NSG1: variants seen among roughly 807,000 people sequenced by gnomAD.
The protein encoded by NSG1 is neuronal vesicle trafficking-associated protein 1.
Under a neutral mutation model 19.3 loss-of-function variants are expected in NSG1, and 9 were observed. The observed-to-expected ratio is 0.47, with a 90% CI of 0.28 to 0.81. The LOEUF is 0.81. NSG1 is among the 40% of genes least tolerant of loss of function. The probability of loss-of-function intolerance (pLI) is 0.11; values close to 1 mark genes in which losing one functional copy is unlikely to be tolerated. For synonymous variants in NSG1, 104 were observed against 107.0 expected (o/e 0.97, Z 0.17); for missense variants, 236 against 242.4 (o/e 0.97, Z 0.18).
intron 3 of NSG1, among the ~76,000 whole-genome samples, chr4:4,403,022 T>G (rs1361407910): frequency 6.6e-6 from 1 of 152,240 alleles, no homozygotes; most frequent in Non-Finnish European, 1.5e-5. Context: ...GACGTTATTC[T>G]GGGTCGGCTC....
chr4:4,392,199 G>A (rs1405938265), intron 3 of NSG1, among the ~76,000 whole-genome samples: 1 of 151,556 alleles, frequency 6.6e-6, no homozygotes, highest in Non-Finnish European at 1.5e-5. Flanking sequence ...GCTGCTGAGA[G>A]CGGGAGGGTT....
At chr4:4,392,490 C>A (rs1361736367) in intron 3 of NSG1, among the ~76,000 whole-genome samples, 1 of 152,184 alleles carries the variant, frequency 6.6e-6, no homozygotes, top group Non-Finnish European at 1.5e-5. Context: ...CTCCCACCCC[C>A]ACCCGCTGCA....
At position 4,412,172 on chromosome 4, in the gene NSG1, C is replaced by T. The variant is rs139517436; in HGVS notation, c.357+2489C>T. On this transcript the variant is annotated intron_variant, in intron 4 of 4. Transcript: ENST00000621129. ...CGTTGACCCAAATGCTGTTATGCCG[C>T]GTGTGGCTGTAAAACGCACTTGCTG... 4.1e-3 allele frequency among the ~76,000 whole-genome samples: 618 copies of T among 152,302 alleles called. 3 individuals carry two copies. The highest frequency in any genetic ancestry group is 0.014 in the African/African-American group (585 of 41,566).
In NSG1 at chr4:4,417,878, G is replaced by A. The variant is rs116880209; in HGVS notation, c.*443G>A. The A allele has an allele frequency of 8.2e-4, 202 of 247,488 alleles. 2 individuals carry two copies. The East Asian group carries it at 0.022, about 27-fold the overall frequency. The allele number at this position is 247,488 out of a possible 1,614,324, so 15.3% of individuals were successfully genotyped here. ...CAAGCCTACTTCGCATTTCTTCCTCGGCCATCAGCGGGTAACAGTGCTGAC... is the reference window on the plus strand; with the variant it reads ...CAAGCCTACTTCGCATTTCTTCCTCAGCCATCAGCGGGTAACAGTGCTGAC... On this transcript the variant is annotated 3_prime_UTR_variant, in exon 5 of 5. Transcript: ENST00000621129.
rs765578858 is a variant in NSG1 at position 4,409,578 on chromosome 4, C to T, written c.252C>T (p.Ser84=). 5 of 1,613,736 alleles carry T rather than the reference C, an allele frequency of 3.1e-6. No homozygotes were observed. In the South Asian group the frequency reaches 3.3e-5, roughly 11 times the overall value. Residue 84 remains serine, a synonymous_variant, in exon 4 of 5, where the codon TCC becomes TCT. Transcript: ENST00000621129. ...TEGVTERFKV[S]VLVLFALAFL... ...AGTCCCACCTCTGCCCACAGGTCTC[C>T]GTGTTGGTCCTCTTCGCCCTGGCCT...
At chr4:4,411,239 A>AT (rs1408790803) in intron 4 of NSG1, among the ~76,000 whole-genome samples, 1 of 152,088 alleles carries the variant, frequency 6.6e-6, no homozygotes, top group African/African-American at 2.4e-5. Flanking sequence ...ACTGTATATT[A>AT]TTTTTCTACA....
chr4:4,391,383 G>A (rs552049343), intron 2 of NSG1, 92 bp from the exon 3 acceptor site: 2 of 748,394 alleles, frequency 2.7e-6, no homozygotes, highest in East Asian at 2.6e-5. Context: ...CTGGCAAATG[G>A]TGACTTTGAA....
intron 3 of NSG1, among the ~76,000 whole-genome samples, chr4:4,403,148 A>C (rs1723661020): frequency 6.6e-6 from 1 of 152,236 alleles, no homozygotes; most frequent in Non-Finnish European, 1.5e-5. Flanking sequence ...TCTCTGTGCC[A>C]GATGTGTGAA....
intron 3 of NSG1, among the ~76,000 whole-genome samples, chr4:4,396,253 T>C (rs1723243620): frequency 6.6e-6 from 1 of 152,174 alleles, no homozygotes; most frequent in Admixed American, 6.5e-5. Flanking sequence ...GCAGTTCTCC[T>C]TCCGGTCTGG....
intron 3 of NSG1, among the ~76,000 whole-genome samples, chr4:4,408,809 C>T (rs958406316): frequency 9.2e-5 from 14 of 152,162 alleles, no homozygotes; most frequent in African/African-American, 2.4e-4. Flanking sequence ...CCCTGGCAGC[C>T]GGGTGAGTGC....
intron 4 of NSG1, chr4:4,415,881 T>G (rs1577298465): frequency 7.5e-6 from 4 of 532,012 alleles, no homozygotes; most frequent in South Asian, 2.3e-5. Context: ...TGGAGGGGAG[T>G]TTGTCTGGCC....
At chr4:4,386,866 C>T (rs542344910), upstream of NSG1, 1 of 152,124 alleles carries the variant, frequency 6.6e-6, no homozygotes, top group Non-Finnish European at 1.5e-5. Flanking sequence ...TGTTCCCTCC[C>T]CCGGCTCAGG....
intron 1 of NSG1, 43 bp from the exon 2 acceptor site, chr4:4,387,561 C>CGGGGGTGGGGG: frequency 1.6e-5 from 18 of 1,141,954 alleles, no homozygotes; most frequent in African/African-American, 3.1e-5. Flanking sequence ...CGCCCCGCCC[C>CGGGGGTGGGGG]GGGTCTTGCT....
intron 3 of NSG1, among the ~76,000 whole-genome samples, chr4:4,406,034 T>C (rs1388510990): frequency 6.6e-6 from 1 of 152,138 alleles, no homozygotes; most frequent in Admixed American, 6.5e-5. Context: ...CTTGAAACCC[T>C]CTTCTTTTTT....
chr4:4,387,561 C>CGGGGGTGGGTTT, intron 1 of NSG1, 43 bp from the exon 2 acceptor site: 1 of 1,141,992 alleles, frequency 8.8e-7, no homozygotes, highest in Non-Finnish European at 1.2e-6. Flanking sequence ...CGCCCCGCCC[C>CGGGGGTGGGTTT]GGGTCTTGCT....
chr4:4,392,268 T>C (rs905364429), intron 3 of NSG1, among the ~76,000 whole-genome samples: 1 of 151,782 alleles, frequency 6.6e-6, no homozygotes, highest in African/African-American at 2.4e-5. Flanking sequence ...AGAGGCCACG[T>C]TGGTTGAAGA....
intron 3 of NSG1, among the ~76,000 whole-genome samples, chr4:4,393,681 G>T (rs2108727479): frequency 6.6e-6 from 1 of 152,306 alleles, no homozygotes; most frequent in African/African-American, 2.4e-5. Flanking sequence ...TGCCCTGAAG[G>T]GGTGGCATCG....
chr4:4,400,618 A>C (rs1286477855), intron 3 of NSG1, among the ~76,000 whole-genome samples: 1 of 152,250 alleles, frequency 6.6e-6, no homozygotes, highest in Non-Finnish European at 1.5e-5. Context: ...ATCCTCTTTA[A>C]GTTCCTTCAA....
At chr4:4,408,327 G>A (rs994310873) in intron 3 of NSG1, among the ~76,000 whole-genome samples, 1 of 152,170 alleles carries the variant, frequency 6.6e-6, no homozygotes, top group Admixed American at 6.5e-5. Context: ...GAGCAGCTCT[G>A]TGCATGTTCA....
Sources: gnomAD v4.1 joint callset for allele counts (sites outside exome capture counted in the v4.1 genomes callset) on GRCh38, gnomAD v4.1.1 for gene constraint, MANE v1.5 for transcripts, NCBI Gene and HGNC (gene_info 2026-07-23, HGNC 2026-07-21) for gene names.